Variants in LRRC4C observed in about 807,000 individuals in gnomAD.
LRRC4C encodes leucine rich repeat containing 4C.
Under a neutral mutation model 33.6 loss-of-function variants are expected in LRRC4C, and 5 were observed. The ratio of observed to expected loss-of-function variants is 0.15; its 90% CI spans 0.08 to 0.31. LRRC4C has a LOEUF of 0.31. Ranked by LOEUF, LRRC4C falls within the 10% of genes least tolerant of loss-of-function variation. The probability of loss-of-function intolerance (pLI) is 1.00; values close to 1 mark genes in which losing one functional copy is unlikely to be tolerated. For synonymous variants in LRRC4C, 329 were observed against 302.0 expected, an observed-to-expected ratio of 1.09 and a Z score of -0.93; for missense variants, 560 against 796.7, an observed-to-expected ratio of 0.70 and a Z score of 3.58.
intron 5 of LRRC4C, among the ~76,000 whole-genome samples, chr11:40,184,037 TA>T (rs1281877987): frequency 6.6e-6 from 1 of 152,190 alleles, no homozygotes; most frequent in African/African-American, 2.4e-5. Flanking sequence ...CAGTAAAAAG[TA>T]AGGAGAAGCA....
In LRRC4C at chr11:40,114,487, T is replaced by C; in HGVS notation, c.1806A>G (p.Lys602=). 6.2e-7 allele frequency: 1 copy of C among 1,614,068 alleles called. No individual in the cohort carries two copies. Among genetic ancestry groups the C allele is most frequent in the Non-Finnish European group, 8.5e-7 (1 of 1,180,010 alleles). Residue 602 remains lysine (K), a synonymous_variant, in exon 7 of 7, where the codon AAA becomes AAG. Transcript: ENST00000528697. ...CTGTTGTTGTGTGGTTGAAGGGAGATTTGTATGAGTTATAGTGATTTAGGT... is the reference window on the plus strand; with the variant it reads ...CTGTTGTTGTGTGGTTGAAGGGAGACTTGTATGAGTTATAGTGATTTAGGT... ...HEHLNHYNSY[K]SPFNHTTTVN...
At chr11:41,084,953 A>C (rs1939855544) in intron 1 of LRRC4C, among the ~76,000 whole-genome samples, 1 of 152,222 alleles carries the variant, frequency 6.6e-6, no homozygotes, top group African/African-American at 2.4e-5. Context: ...TTAGGATTCC[A>C]TGTGAAAGTA....
intron 1 of LRRC4C, among the ~76,000 whole-genome samples, chr11:41,210,731 G>T (rs930292725): frequency 6.6e-6 from 1 of 152,108 alleles, no homozygotes; most frequent in Non-Finnish European, 1.5e-5. Context: ...AAGCCAAAGA[G>T]CTTCAAAGTC....
At chr11:41,436,517 C>T (rs1270586397) in intron 1 of LRRC4C, among the ~76,000 whole-genome samples, 1 of 152,142 alleles carries the variant, frequency 6.6e-6, no homozygotes, top group Non-Finnish European at 1.5e-5. Context: ...CTTGACCTGT[C>T]AAAGTCCCAC....
chr11:40,709,395 GC>G (rs1946345684), intron 2 of LRRC4C, among the ~76,000 whole-genome samples: 1 of 152,084 alleles, frequency 6.6e-6, no homozygotes, highest in Non-Finnish European at 1.5e-5. Flanking sequence ...TGTAAGGCAG[GC>G]CTGGTGGTGA....
In LRRC4C at chr11:40,163,076, GC is replaced by G. The variant is rs1328284831; in HGVS notation, c.-95-22224del. On this transcript the variant is annotated intron_variant, in intron 5 of 6. Transcript: ENST00000528697. The stretch of plus-strand genomic sequence containing the variant: ...CACCTAGTCTTGATTAAGCAGGCAT[GC>G]CATTTGTCACAGAGCCAAGCAAGAA... 2.6e-5 allele frequency among the ~76,000 whole-genome samples: 4 copies of G among 152,266 alleles called. No individual in the cohort carries two copies. The East Asian group carries it at 7.7e-4, about 29-fold the overall frequency.
At position 40,653,182 on chromosome 11, in the gene LRRC4C, G is replaced by A. The variant is rs558090127; in HGVS notation, c.-406-4904C>T. 3.3e-5 allele frequency among the ~76,000 whole-genome samples: 5 copies of A among 152,294 alleles called. No individual in the cohort carries two copies. The East Asian group carries it at 9.6e-4, about 29-fold the overall frequency. Reference sequence around the variant, plus strand: ...TAGTTGGTACCAGGAGTTCGGTGCTGATATAAAGATACCTGAAAATATGGA... The same window carrying A: ...TAGTTGGTACCAGGAGTTCGGTGCTAATATAAAGATACCTGAAAATATGGA... On this transcript the variant is annotated intron_variant, in intron 2 of 6. Coordinates refer to ENST00000528697, the MANE Select transcript of LRRC4C (RefSeq NM_001258419.2).
intron 5 of LRRC4C, among the ~76,000 whole-genome samples, chr11:40,218,744 C>CT (rs1590740517): frequency 4.3e-5 from 4 of 93,180 alleles, no homozygotes; most frequent in Non-Finnish European, 7.9e-5. Flanking sequence ...TCTATCTATC[C>CT]ATCCATCCAT....
chr11:41,344,119 T>C (rs1283583581), intron 1 of LRRC4C, among the ~76,000 whole-genome samples: 1 of 152,100 alleles, frequency 6.6e-6, no homozygotes, highest in Non-Finnish European at 1.5e-5. Flanking sequence ...AGATCAGAAG[T>C]GTTTCCTCTG....
intron 2 of LRRC4C, among the ~76,000 whole-genome samples, chr11:40,677,002 A>C (rs10768624): frequency 0.43 from 64,959 of 152,024 alleles, 14,346 homozygotes; most frequent in East Asian, 0.61. Context: ...CCCAGCAGAT[A>C]TGATCATTGT....
chr11:40,738,337 G>A (rs923497623), intron 2 of LRRC4C, among the ~76,000 whole-genome samples: 1 of 152,072 alleles, frequency 6.6e-6, no homozygotes, highest in Non-Finnish European at 1.5e-5. Flanking sequence ...ATGGCCTTTT[G>A]TGGGACTTCC....
chr11:40,459,379 A>AG (rs1390926722), intron 3 of LRRC4C, among the ~76,000 whole-genome samples: 9 of 152,080 alleles, frequency 5.9e-5, no homozygotes, highest in Non-Finnish European at 1.2e-4. Context: ...GATCGTCAGC[A>AG]CTCAGGAATC....
chr11:41,401,510 T>C (rs1315172477), intron 1 of LRRC4C, among the ~76,000 whole-genome samples: 2 of 151,872 alleles, frequency 1.3e-5, no homozygotes, highest in East Asian at 3.9e-4. Flanking sequence ...TCCAGTCTAG[T>C]TGGGAAAATA....
intron 3 of LRRC4C, among the ~76,000 whole-genome samples, chr11:40,410,242 T>A (rs1324551435): frequency 1.3e-5 from 2 of 152,076 alleles, no homozygotes; most frequent in Admixed American, 6.6e-5. Flanking sequence ...TTAAATATCA[T>A]AAAAGAAACA....
chr11:41,151,738 C>T (rs1944008732), intron 1 of LRRC4C, among the ~76,000 whole-genome samples: 1 of 152,064 alleles, frequency 6.6e-6, no homozygotes, highest in South Asian at 2.1e-4. Flanking sequence ...ATAAGGCACT[C>T]ACTAAAAAAG....
At chr11:41,333,090 T>G (rs554709743) in intron 1 of LRRC4C, among the ~76,000 whole-genome samples, 1 of 152,320 alleles carries the variant, frequency 6.6e-6, no homozygotes, top group Non-Finnish European at 1.5e-5. Flanking sequence ...AGAAGAAAAC[T>G]ATTACTAAGA....
At chr11:40,870,220 A>G (rs749671129) in intron 2 of LRRC4C, among the ~76,000 whole-genome samples, 3 of 152,166 alleles carry the variant, frequency 2.0e-5, no homozygotes, top group Admixed American at 6.5e-5. Flanking sequence ...AATATTTTAT[A>G]GTTTTCAAAA....
intron 2 of LRRC4C, among the ~76,000 whole-genome samples, chr11:40,894,898 T>A (rs1325849587): frequency 6.6e-6 from 1 of 152,168 alleles, no homozygotes; most frequent in Non-Finnish European, 1.5e-5. Context: ...ATATAGTTAT[T>A]TATTTTCTTA....
intron 1 of LRRC4C, among the ~76,000 whole-genome samples, chr11:41,049,007 T>C (rs1858006190): frequency 6.6e-6 from 1 of 152,232 alleles, no homozygotes; most frequent in African/African-American, 2.4e-5. Context: ...AGGCAGGTAC[T>C]AGGTATGTAG....
Sources: gnomAD v4.1 joint callset for allele counts (sites outside exome capture counted in the v4.1 genomes callset) on GRCh38, gnomAD v4.1.1 for gene constraint, MANE v1.5 for transcripts, NCBI Gene and HGNC (gene_info 2026-07-23, HGNC 2026-07-21) for gene names.